The following PRRC2A variants were observed in gnomAD, a reference collection of about 807,000 sequenced individuals.
The protein encoded by PRRC2A is proline rich coiled-coil 2A.
Under a neutral mutation model 224.6 loss-of-function variants are expected in PRRC2A, and 59 were observed. The ratio of observed to expected loss-of-function variants is 0.26; its 90% CI spans 0.21 to 0.33. PRRC2A has a LOEUF of 0.33. Ranked by LOEUF, PRRC2A falls within the 10% of genes least tolerant of loss-of-function variation. The pLI is 1.00. For missense variants in PRRC2A, 3,095 were observed against 2,880.7 expected (o/e 1.07, Z -1.70); for synonymous variants, 1,194 against 1,109.5 (o/e 1.08, Z -1.51).
intron 12 of PRRC2A, 136 bp from the exon 13 acceptor site, chr6:31,629,008 G>A: frequency 4.5e-6 from 4 of 889,460 alleles, no homozygotes; most frequent in Non-Finnish European, 7.1e-6. Context: ...TTAAATGGGA[G>A]GGGCTTCAAT....
chr6:31,629,363 G>A (rs1776277214), intron 13 of PRRC2A, 29 bp downstream of exon 13: 2 of 1,534,916 alleles, frequency 1.3e-6, no homozygotes, highest in Non-Finnish European at 1.8e-6. Context: ...CCCTCTAAGG[G>A]CTGCTTTTCT....
rs778902456 is a variant in PRRC2A at position 31,636,425 on chromosome 6, A to AG, written c.5835+12dup. Reference sequence around the variant, plus strand: ...CTGACACATCGTTGCTTCAGGTAAGAGGGGGGCAGGTATTAGATATTGGGG... The same window carrying AG: ...CTGACACATCGTTGCTTCAGGTAAGAGGGGGGGCAGGTATTAGATATTGGGG... On this transcript the variant is annotated splice_region_variant and intron_variant, in intron 26 of 30. Transcript: ENST00000376033. The surrounding 1 kb of genome is among the most constrained non-coding windows in gnomAD (Gnocchi z 4.3). 5.0e-6 allele frequency: 8 copies of AG among 1,612,690 alleles called. No individual in the cohort carries two copies. Among genetic ancestry groups the AG allele is most frequent in the East Asian group, 2.2e-5 (1 of 44,876 alleles).
intron 9 of PRRC2A, 35 bp from the exon 10 acceptor site, chr6:31,626,737 A>G: frequency 6.5e-7 from 1 of 1,540,476 alleles, no homozygotes; most frequent in Admixed American, 2.0e-5. Context: ...GGAGGGCAGA[A>G]TGCTTGGGTT....
In PRRC2A at chr6:31,625,401, A is replaced by G. The variant is rs773112030; in HGVS notation, c.608-59A>G. ...ATTCACCTTCCTCCCCATCACTTTC[A>G]GCTGTGTTCACTTGTCCTCCAATCA... On this transcript the variant is annotated intron_variant, in intron 6 of 30. Transcript: ENST00000376033. The surrounding 1 kb of genome is among the most constrained non-coding windows in gnomAD (Gnocchi z 4.1). The G allele has an allele frequency of 1.1e-5, 17 of 1,611,636 alleles. No individual in the cohort carries two copies. In the African/African-American group the frequency reaches 1.6e-4, roughly 15 times the overall value.
Position 31,627,720 on chromosome 6 carries a change from T to C in PRRC2A, c.1291-45T>C. On this transcript the variant is annotated intron_variant, in intron 11 of 30. Transcript: ENST00000376033. The surrounding 1 kb of genome is among the most constrained non-coding windows in gnomAD (Gnocchi z 5.6). The stretch of plus-strand genomic sequence containing the variant: ...GTTGTAAAAGAGATGATAGAAAGCA[T>C]AGTAACTGATTCCCCTGGCCCTGCT... The C allele has an allele frequency of 6.3e-7, 1 of 1,598,160 alleles. No homozygotes were observed. The highest frequency in any genetic ancestry group is 1.3e-5 in the African/African-American group (1 of 74,434).
In PRRC2A at chr6:31,627,065, C is replaced by T. The variant is rs149023574; in HGVS notation, c.1157C>T (p.Pro386Leu). Residue 386 changes from proline (P) to leucine (L), a missense_variant, in exon 11 of 31, where the codon CCC becomes CTC. By Grantham distance (98) the Pro-to-Leu change is moderately conservative. Transcript: ENST00000376033. The surrounding 1 kb of genome is among the most constrained non-coding windows in gnomAD (Gnocchi z 5.6). ...KKGNSPNSEP[P>L]TPKTAWAETS... ...GGCAACTCCCCCAACAGCGAACCGC[C>T]CACTCCTAAGACGGCCTGGGCAGAA... 7 of 1,614,088 alleles carry T rather than the reference C, an allele frequency of 4.3e-6. No individual in the cohort carries two copies. In the African/African-American group the frequency reaches 9.3e-5, roughly 22 times the overall value.
At position 31,637,223 on chromosome 6, in the gene PRRC2A, T is replaced by TCTTC; in HGVS notation, c.6243-9_6243-6dup. ...ATCCTAGGCTTGCCTTAGACGCCCT[T>TCTTC]CTTCCCTTAGGTCCTTCTCTGGCCT... On this transcript the variant is annotated splice_polypyrimidine_tract_variant and intron_variant, in intron 29 of 30. Transcript: ENST00000376033. The TCTTC allele has an allele frequency of 6.2e-7, 1 of 1,609,226 alleles. No individual in the cohort carries two copies. Among genetic ancestry groups the TCTTC allele is most frequent in the Non-Finnish European group, 8.5e-7 (1 of 1,176,520 alleles).
chr6:31,625,574 C>T lies in PRRC2A; in HGVS notation c.722C>T (p.Pro241Leu), dbSNP rs758855919. The T allele has an allele frequency of 1.5e-5, 23 of 1,570,862 alleles. No homozygotes were observed. Among genetic ancestry groups the T allele is most frequent in the Non-Finnish European group, 1.9e-5 (22 of 1,156,814 alleles). ...PRGGLQPSGP[P>L]QFPPYRGMMP... is the part of the protein sequence containing the mutation. ...GGTGGGCTACAGCCTTCAGGCCCAC[C>T]CCAGTTCCCTCCCTACCGCGGAATG... The change falls in exon 7 of 31, where the codon CCC becomes CTC. Residue 241 changes from proline (P) to leucine (L), a missense_variant. By Grantham distance (98) the Pro-to-Leu change is moderately conservative. Around this residue, in one of 8 missense-constraint regions of PRRC2A, gnomAD observed 287 missense variants for 275.3 expected, o/e 1.04. Transcript: ENST00000376033. The surrounding 1 kb of genome is among the most constrained non-coding windows in gnomAD (Gnocchi z 4.1).
At chr6:31,630,447 C>G (rs942773552) in intron 14 of PRRC2A, 144 bp from the exon 15 acceptor site, 2 of 720,550 alleles carry the variant, frequency 2.8e-6, no homozygotes, top group African/African-American at 3.6e-5. Context: ...AGTGGATAAC[C>G]TTGTTATATA....
At position 31,629,780 on chromosome 6, in the gene PRRC2A, T is replaced by G. The variant is rs766305808; in HGVS notation, c.2189T>G (p.Val730Gly). The change falls in exon 14 of 31, where the codon GTG becomes GGG. Residue 730 changes from valine to glycine, a missense_variant. Val to Gly is a moderately radical substitution (Grantham distance 109). Transcript: ENST00000376033. Reference sequence around the variant, plus strand: ...CGATGGATGATGATTCCTCCTTATGTGGACCCCCGGCTCCTCCAGGGTCGT... The same window carrying G: ...CGATGGATGATGATTCCTCCTTATGGGGACCCCCGGCTCCTCCAGGGTCGT... ...DPRWMMIPPYVDPRLLQGRPP... is the reference protein window; with the variant it reads ...DPRWMMIPPYGDPRLLQGRPP... 6.2e-7 allele frequency: 1 copy of G among 1,613,814 alleles called. No homozygotes were observed. The highest frequency in any genetic ancestry group is 2.2e-5 in the East Asian group (1 of 44,874).
At position 31,633,619 on chromosome 6, in the gene PRRC2A, C is replaced by T; in HGVS notation, c.4560C>T (p.Pro1520=). The stretch of plus-strand genomic sequence containing the variant: ...CTAGGCCCCCAACCCGATACGAGCC[C>T]CAGAGGGTCAACAGCGGCCTCAGTT... ...PSPRPPTRYE[P]QRVNSGLSSD... is the part of the protein sequence containing the mutation. Residue 1520 remains proline, a synonymous_variant, in exon 17 of 31, where the codon CCC becomes CCT. Transcript: ENST00000376033. The T allele has an allele frequency of 6.2e-7, 1 of 1,612,260 alleles. No homozygotes were observed. Among genetic ancestry groups the T allele is most frequent in the Non-Finnish European group, 8.5e-7 (1 of 1,179,542 alleles).
Position 31,634,987 on chromosome 6 carries a change from CAA to C in PRRC2A, c.5160+15_5160+16del. ...CGATGGGGACAGAAAGGTAAAAGAC[CAA>C]AAAAGGATAAGGGGAATGTTTCCAG... On this transcript the variant is annotated intron_variant, in intron 21 of 30. Transcript: ENST00000376033. 6.2e-7 allele frequency: 1 copy of C among 1,602,984 alleles called. No homozygotes were observed. The highest frequency in any genetic ancestry group is 1.1e-5 in the South Asian group (1 of 89,798).
chr6:31,625,542 TC>T lies in PRRC2A; in HGVS notation c.694del (p.Arg232GlyfsTer18). On this transcript the variant is annotated frameshift_variant, in exon 7 of 31. Coordinates refer to ENST00000376033, the MANE Select transcript of PRRC2A (RefSeq NM_004638.4). LOFTEE classifies it high-confidence loss of function. This position sits in a 1 kb window ranked among gnomAD's most constrained non-coding sequence, Gnocchi z 4.1. ...PDSKLHHGHD[P>X]RGGLQPSGPP... ...ACTCCAAACTTCATCATGGTCATGA[TC>T]CCCGGGGTGGGCTACAGCCTTCAGG... 6.3e-7 allele frequency: 1 copy of T among 1,576,060 alleles called. No homozygotes were observed. The highest frequency in any genetic ancestry group is 1.8e-5 in the Admixed American group (1 of 56,982).
rs764536981 is a variant in PRRC2A at position 31,632,702 on chromosome 6, A to G, written c.4029A>G (p.Pro1343=). 1.2e-6 allele frequency: 2 copies of G among 1,613,026 alleles called. No individual in the cohort carries two copies. The highest frequency in any genetic ancestry group is 2.7e-5 in the African/African-American group (2 of 74,948). ...ERRGDKEAPP[P]VLLTPKAVGT... ...GAGGGGACAAAGAGGCACCCCCACCAGTACTGCTGACACCCAAGGCTGTGG... is the reference window on the plus strand; with the variant it reads ...GAGGGGACAAAGAGGCACCCCCACCGGTACTGCTGACACCCAAGGCTGTGG... Residue 1343 remains proline, a synonymous_variant, in exon 16 of 31, where the codon CCA becomes CCG. Transcript: ENST00000376033.
chr6:31,634,722 A>T, intron 20 of PRRC2A, 31 bp from the exon 21 acceptor site: 1 of 1,604,732 alleles, frequency 6.2e-7, no homozygotes, highest in Non-Finnish European at 8.5e-7. Context: ...TTCTACCCTG[A>T]CTTAACTAGC....
In PRRC2A at chr6:31,633,824, G is replaced by A. The variant is rs567595396; in HGVS notation, c.4589-35G>A. On this transcript the variant is annotated intron_variant, in intron 17 of 30. Transcript: ENST00000376033. ...AGGAAAAGTTAGGGTCAGTGGCAGA[G>A]CCAGGCAGATGCTGACCCTTTTTCT... 81 of 1,559,632 alleles carry A rather than the reference G, an allele frequency of 5.2e-5. No individual in the cohort carries two copies. In the East Asian group the frequency reaches 1.8e-3, roughly 34 times the overall value.
Position 31,636,961 on chromosome 6 carries a change from T to G in PRRC2A, c.6147+16T>G, listed in dbSNP as rs1248069798. The G allele has an allele frequency of 6.2e-7, 1 of 1,608,000 alleles. No individual in the cohort carries two copies. The highest frequency in any genetic ancestry group is 1.3e-5 in the African/African-American group (1 of 74,800). ...GCGAGCAGAGGTAAGGTACAGGAACTGAGGGGCTAGGGAGCGCCAAGACTT... is the reference window on the plus strand; with the variant it reads ...GCGAGCAGAGGTAAGGTACAGGAACGGAGGGGCTAGGGAGCGCCAAGACTT... On this transcript the variant is annotated intron_variant, in intron 28 of 30. Transcript: ENST00000376033. The surrounding 1 kb of genome is among the most constrained non-coding windows in gnomAD (Gnocchi z 4.3).
rs201072695 is a variant in PRRC2A, at chr6:31,634,042, C to G, written c.4719+53C>G. ...CACTGCACTCTTACTCGTGAAAATTCTTCTGGGTTATGTTTTCTCTGTTTT... is the reference window on the plus strand; with the variant it reads ...CACTGCACTCTTACTCGTGAAAATTGTTCTGGGTTATGTTTTCTCTGTTTT... On this transcript the variant is annotated intron_variant, in intron 18 of 30. Coordinates refer to ENST00000376033, the MANE Select transcript of PRRC2A (RefSeq NM_004638.4). 3.2e-6 allele frequency: 5 copies of G among 1,587,000 alleles called. No homozygotes were observed. In the East Asian group the frequency reaches 1.1e-4, roughly 35 times the overall value.
Position 31,627,693 on chromosome 6 carries a change from T to C in PRRC2A, c.1291-72T>C. On this transcript the variant is annotated intron_variant, in intron 11 of 30. Coordinates refer to ENST00000376033, the MANE Select transcript of PRRC2A (RefSeq NM_004638.4). This position sits in a 1 kb window ranked among gnomAD's most constrained non-coding sequence, Gnocchi z 5.6. ...CATCCTGCAAGTAGCGACAGTTGAT[T>C]TGTTGTAAAAGAGATGATAGAAAGC... 6.5e-7 allele frequency: 1 copy of C among 1,542,972 alleles called. No homozygotes were observed.
Sources: allele counts gnomAD v4.1 joint callset, GRCh38; gene constraint gnomAD v4.1.1; regional missense constraint gnomAD v4.1.1; non-coding constraint Gnocchi (gnomAD v3.1); transcripts MANE v1.5; gene names NCBI Gene and HGNC (gene_info 2026-07-23, HGNC 2026-07-21).